Variants in CLEC3B observed in about 807,000 individuals in gnomAD.
CLEC3B encodes tetranectin.
A neutral mutation model predicts 15.4 loss-of-function variants in CLEC3B; 13 were observed. The observed-to-expected ratio is 0.84, with a 90% CI of 0.55 to 1.34. The LOEUF (loss-of-function observed/expected upper bound fraction) is 1.34, where lower values mean the gene tolerates loss of function less well. Among genes scored for constraint, CLEC3B ranks in the 40% most tolerant of loss-of-function variants. The pLI is 0.00. For synonymous variants in CLEC3B, 112 were observed against 114.7 expected (o/e 0.98, Z 0.15); for missense variants, 242 against 268.6 (o/e 0.90, Z 0.69).
chr3:45,034,742 C>T (rs188031090), intron 2 of CLEC3B, among the ~76,000 whole-genome samples: 7 of 152,324 alleles, frequency 4.6e-5, no homozygotes, highest in Admixed American at 2.0e-4. Flanking sequence ...GAGTCCCTTG[C>T]CTGATCGCCG....
At chr3:45,031,314 T>C (rs187131471) in intron 2 of CLEC3B, among the ~76,000 whole-genome samples, 1 of 152,192 alleles carries the variant, frequency 6.6e-6, no homozygotes, top group Non-Finnish European at 1.5e-5. Flanking sequence ...TCAGCTGGCC[T>C]CTGCAGCCCC....
At chr3:45,028,837 C>T (rs1392430443) in intron 1 of CLEC3B, among the ~76,000 whole-genome samples, 1 of 152,136 alleles carries the variant, frequency 6.6e-6, no homozygotes, top group East Asian at 1.9e-4. Context: ...GCAGGACTGG[C>T]AAAGGAAGGG....
intron 1 of CLEC3B, among the ~76,000 whole-genome samples, chr3:45,029,654 G>A (rs773612402): frequency 1.3e-5 from 2 of 152,186 alleles, no homozygotes; most frequent in Non-Finnish European, 2.9e-5. Flanking sequence ...CTCTTTGTGA[G>A]TGTGGAATGT....
Position 45,035,969 on chromosome 3 carries a change from C to G in CLEC3B, c.*45C>G. On this transcript the variant is annotated 3_prime_UTR_variant, in exon 3 of 3. Transcript: ENST00000296130. ...GGGGGGCCTGGAGGAGGGCAGGGGCCGCGGGAGGCCGGGAGGAGGGTGGGG... is the reference window on the plus strand; with the variant it reads ...GGGGGGCCTGGAGGAGGGCAGGGGCGGCGGGAGGCCGGGAGGAGGGTGGGG... 2 of 1,470,672 alleles carry G rather than the reference C, an allele frequency of 1.4e-6. No homozygotes were observed. The highest frequency in any genetic ancestry group is 1.8e-6 in the Non-Finnish European group (2 of 1,099,888). The allele number at this position is 1,470,672 out of a possible 1,614,324, so 91.1% of individuals were successfully genotyped here.
At chr3:45,029,313 G>T (rs1016969069) in intron 1 of CLEC3B, among the ~76,000 whole-genome samples, 1 of 152,244 alleles carries the variant, frequency 6.6e-6, no homozygotes, top group African/African-American at 2.4e-5. Flanking sequence ...CCAGGGCAAG[G>T]CTTAGGAGAC....
intron 2 of CLEC3B, among the ~76,000 whole-genome samples, chr3:45,031,636 T>A (rs1697556649): frequency 6.6e-6 from 1 of 152,118 alleles, no homozygotes; most frequent in African/African-American, 2.4e-5. Context: ...GTGCACAGAA[T>A]CACCAAGAAC....
chr3:45,031,601 C>G (rs1464852931), intron 2 of CLEC3B, among the ~76,000 whole-genome samples: 1 of 152,224 alleles, frequency 6.6e-6, no homozygotes, highest in Non-Finnish European at 1.5e-5. Flanking sequence ...GTGTTCCTGG[C>G]TCTGCACTAG....
At chr3:45,027,845 A>G (rs2125979275) in intron 1 of CLEC3B, among the ~76,000 whole-genome samples, 1 of 152,344 alleles carries the variant, frequency 6.6e-6, no homozygotes, top group South Asian at 2.1e-4. Context: ...CAAATCATAG[A>G]ATTTTTGAAT....
chr3:45,030,299 C>T, intron 1 of CLEC3B: 2 of 881,710 alleles, frequency 2.3e-6, no homozygotes, highest in Non-Finnish European at 2.7e-6. Flanking sequence ...GTGGGGCTGT[C>T]ATCATCCACT....
chr3:45,028,991 T>C (rs1697519681), intron 1 of CLEC3B, among the ~76,000 whole-genome samples: 2 of 152,180 alleles, frequency 1.3e-5, no homozygotes, highest in South Asian at 4.1e-4. Context: ...GATGGCCTCA[T>C]AGGAGTCACA....
chr3:45,035,837 G>A lies in CLEC3B; in HGVS notation c.522G>A (p.Ala174=). 6.2e-7 allele frequency: 1 copy of A among 1,613,058 alleles called. No individual in the cohort carries two copies. The highest frequency in any genetic ancestry group is 8.5e-7 in the Non-Finnish European group (1 of 1,179,940). The change falls in exon 3 of 3, where the codon GCG becomes GCA. Residue 174 remains alanine, a synonymous_variant. Transcript: ENST00000296130. ...QPDGGKTENC[A]VLSGAANGKW... ...ATGGCGGCAAGACCGAGAACTGCGC[G>A]GTCCTGTCAGGCGCGGCCAACGGCA...
rs1697545009 is a variant in CLEC3B at position 45,030,906 on chromosome 3, G to GC, written c.190dup (p.Gln64ProfsTer56). 1 of 1,581,920 alleles carries GC rather than the reference G, an allele frequency of 6.3e-7. No homozygotes were observed. The highest frequency in any genetic ancestry group is 1.8e-5 in the Admixed American group (1 of 55,270). ...CCCAGGAGGTGGCCCTGCTGAAGGA[G>GC]CAGCAGGCCCTGCAGACGGGTGAGT... On this transcript the variant is annotated frameshift_variant, in exon 2 of 3. Coordinates refer to ENST00000296130, the MANE Select transcript of CLEC3B (RefSeq NM_003278.3). LOFTEE classifies it low-confidence loss of function (END_TRUNC).
rs1230235546 is a variant in CLEC3B at position 45,035,693 on chromosome 3, C to T, written c.378C>T (p.Gly126=). ...ALYEYLRQSV[G]NEAEIWLGLN... ...ATGAGTACCTGCGCCAGAGCGTGGG[C>T]AACGAGGCCGAGATCTGGCTGGGCC... Residue 126 remains glycine (G), a synonymous_variant, in exon 3 of 3, where the codon GGC becomes GGT. Coordinates refer to ENST00000296130, the MANE Select transcript of CLEC3B (RefSeq NM_003278.3). 3.1e-6 allele frequency: 5 copies of T among 1,613,696 alleles called. No individual in the cohort carries two copies. The highest frequency in any genetic ancestry group is 4.2e-6 in the Non-Finnish European group (5 of 1,180,030).
chr3:45,034,145 T>C lies in CLEC3B; in HGVS notation c.209-1379T>C, dbSNP rs185166494. Among the ~76,000 whole-genome samples the C allele has an allele frequency of 8.5e-5, 13 of 152,254 alleles. No individual in the cohort carries two copies. The East Asian group carries it at 2.3e-3, about 27-fold the overall frequency. On this transcript the variant is annotated intron_variant, in intron 2 of 2. Coordinates refer to ENST00000296130, the MANE Select transcript of CLEC3B (RefSeq NM_003278.3). The stretch of plus-strand genomic sequence containing the variant: ...GCAGGAGGCTGAAAGCTGAGGACTT[T>C]CTTCCTGCAGCATTCCTGGCAGCCA...
rs1432013487 is a variant in CLEC3B, at chr3:45,030,808, A to G, written c.110-19A>G. 5 of 1,555,704 alleles carry G rather than the reference A, an allele frequency of 3.2e-6. No homozygotes were observed. The highest frequency in any genetic ancestry group is 1.2e-5 in the South Asian group (1 of 84,832). ...TGCTCAGTCCCTGCCCCACCCTGACATATTTCCTCCTGCTTCAGATGTTGT... is the reference window on the plus strand; with the variant it reads ...TGCTCAGTCCCTGCCCCACCCTGACGTATTTCCTCCTGCTTCAGATGTTGT... On this transcript the variant is annotated intron_variant, in intron 1 of 2. Coordinates refer to ENST00000296130, the MANE Select transcript of CLEC3B (RefSeq NM_003278.3).
At chr3:45,035,468 T>C (rs778213784) in intron 2 of CLEC3B, 56 bp from the exon 3 acceptor site, 241 of 1,549,596 alleles carry the variant, frequency 1.6e-4, no homozygotes, top group South Asian at 5.7e-4. Flanking sequence ...GGCGGTTGGC[T>C]CTTTGCCTGG....
rs1324678735 is a variant in CLEC3B, at chr3:45,035,885, C to T, written c.570C>T (p.Arg190=). 6.2e-7 allele frequency: 1 copy of T among 1,609,398 alleles called. No individual in the cohort carries two copies. The highest frequency in any genetic ancestry group is 1.1e-5 in the South Asian group (1 of 90,980). The change falls in exon 3 of 3, where the codon CGC becomes CGT. Residue 190 remains arginine (R), a synonymous_variant. Coordinates refer to ENST00000296130, the MANE Select transcript of CLEC3B (RefSeq NM_003278.3). ...GCAAGTGGTTCGACAAGCGCTGCCG[C>T]GATCAGCTGCCCTACATCTGCCAGT... ...ANGKWFDKRC[R]DQLPYICQFG...
In CLEC3B at chr3:45,035,775, T is replaced by A. The variant is rs1472228975; in HGVS notation, c.460T>A (p.Tyr154Asn). The A allele has an allele frequency of 6.2e-7, 1 of 1,613,668 alleles. No individual in the cohort carries two copies. Among genetic ancestry groups the A allele is most frequent in the Non-Finnish European group, 8.5e-7 (1 of 1,179,960 alleles). ...GGACATGACCGGCGCCCGCATCGCC[T>A]ACAAGAACTGGGAGACTGAGATCAC... ...WVDMTGARIA[Y>N]KNWETEITAQ... is the part of the protein sequence containing the mutation. The change falls in exon 3 of 3, where the codon TAC becomes AAC. Residue 154 changes from tyrosine (Y) to asparagine (N), a missense_variant. Transcript: ENST00000296130.
At chr3:45,033,793 G>T (rs1697599428) in intron 2 of CLEC3B, among the ~76,000 whole-genome samples, 1 of 152,224 alleles carries the variant, frequency 6.6e-6, no homozygotes, top group Non-Finnish European at 1.5e-5. Flanking sequence ...CTACCTATGT[G>T]TTGGAGGGAG....
Sources: allele counts gnomAD v4.1 joint callset (sites outside exome capture counted in the v4.1 genomes callset), GRCh38; gene constraint gnomAD v4.1.1; transcripts MANE v1.5; gene names NCBI Gene and HGNC (gene_info 2026-07-23, HGNC 2026-07-21).